Variants in RUNDC3B observed in about 807,000 individuals in gnomAD.
RUNDC3B encodes RUN domain containing 3B, also known as RUN domain-containing protein 3B.
In RUNDC3B, 33 loss-of-function variants were observed where a neutral mutation model predicts 58.4. That is an observed-to-expected ratio of 0.56 (90% CI 0.43 to 0.75). The LOEUF (loss-of-function observed/expected upper bound fraction) is 0.75, where lower values mean the gene tolerates loss of function less well. RUNDC3B is among the 30% of genes least tolerant of loss of function. The pLI is 0.00. For missense variants in RUNDC3B, 501 were observed against 535.7 expected (o/e 0.94, Z 0.64); for synonymous variants, 193 against 195.2 (o/e 0.99, Z 0.10).
intron 2 of RUNDC3B, among the ~76,000 whole-genome samples, chr7:87,665,902 A>G (rs534518798): frequency 6.6e-6 from 1 of 152,108 alleles, no homozygotes; most frequent in Admixed American, 6.6e-5. Context: ...ATAGTACTCC[A>G]TGGCATATAT....
chr7:87,698,798 G>A (rs1828743263), intron 2 of RUNDC3B, among the ~76,000 whole-genome samples: 1 of 152,162 alleles, frequency 6.6e-6, no homozygotes, highest in Non-Finnish European at 1.5e-5. Context: ...CTTTTGAGGA[G>A]AAGTAAGCAC....
chr7:87,714,107 A>C (rs1011544090), intron 4 of RUNDC3B, among the ~76,000 whole-genome samples: 4 of 152,238 alleles, frequency 2.6e-5, no homozygotes, highest in African/African-American at 9.6e-5. Flanking sequence ...AATAGTGATA[A>C]GTAACCAAAA....
In RUNDC3B at chr7:87,777,777, T is replaced by A. The variant is rs372879291; in HGVS notation, c.799-21T>A. 3 of 1,611,126 alleles carry A rather than the reference T, an allele frequency of 1.9e-6. No homozygotes were observed. In the African/African-American group the frequency reaches 4.0e-5, roughly 22 times the overall value. Reference sequence around the variant, plus strand: ...ATTAGAATTTTGCAGTTTCTATATCTTGATGATACTGGATTTCCAGGGTTA... The same window carrying A: ...ATTAGAATTTTGCAGTTTCTATATCATGATGATACTGGATTTCCAGGGTTA... On this transcript the variant is annotated intron_variant, in intron 7 of 10. Transcript: ENST00000394654.
intron 2 of RUNDC3B, among the ~76,000 whole-genome samples, chr7:87,664,343 A>G (rs1246599281): frequency 2.0e-5 from 3 of 152,104 alleles, no homozygotes; most frequent in African/African-American, 7.2e-5. Context: ...TCTCTAAAAA[A>G]ATAAAATATA....
rs367963589 is a variant in RUNDC3B, at chr7:87,747,201, G to T, written c.629+5622G>T. Among the ~76,000 whole-genome samples the T allele has an allele frequency of 1.5e-4, 23 of 152,248 alleles. No individual in the cohort carries two copies. The South Asian group carries it at 3.9e-3, about 26-fold the overall frequency. On this transcript the variant is annotated intron_variant, in intron 6 of 10. Coordinates refer to ENST00000394654, the MANE Select transcript of RUNDC3B (RefSeq NM_001134405.2). ...TAGTACTCTCCCCCTTTTCCTATGG[G>T]TGTGTCTTCCTGTGAGCCTAGCTGT...
At chr7:87,822,803 C>G (rs546728086) in intron 10 of RUNDC3B, among the ~76,000 whole-genome samples, 4 of 152,232 alleles carry the variant, frequency 2.6e-5, no homozygotes, top group African/African-American at 7.2e-5. Flanking sequence ...AAACCAAACA[C>G]TGCATGTTCT....
At chr7:87,735,033 G>A (rs765033106) in intron 4 of RUNDC3B, among the ~76,000 whole-genome samples, 4 of 151,734 alleles carry the variant, frequency 2.6e-5, no homozygotes, top group African/African-American at 4.8e-5. Flanking sequence ...CATTCCCCTG[G>A]CTTGAAATAC....
At chr7:87,685,472 G>A (rs141497420) in intron 2 of RUNDC3B, among the ~76,000 whole-genome samples, 23 of 151,996 alleles carry the variant, frequency 1.5e-4, no homozygotes, top group Admixed American at 1.1e-3. Flanking sequence ...ATAAACTGTT[G>A]TATGTTCATA....
At chr7:87,734,005 C>T (rs1414393351) in intron 4 of RUNDC3B, among the ~76,000 whole-genome samples, 5 of 152,124 alleles carry the variant, frequency 3.3e-5, no homozygotes, top group Non-Finnish European at 7.3e-5. Context: ...AGACACTTCT[C>T]CAAGGGGGGT....
chr7:87,730,417 C>A (rs1486321136), intron 4 of RUNDC3B, among the ~76,000 whole-genome samples: 1 of 151,854 alleles, frequency 6.6e-6, no homozygotes, highest in Non-Finnish European at 1.5e-5. Flanking sequence ...TTGGCAGTAA[C>A]CAGGCAGTAA....
At chr7:87,810,091 T>C (rs1836631791) in intron 9 of RUNDC3B, among the ~76,000 whole-genome samples, 1 of 152,144 alleles carries the variant, frequency 6.6e-6, no homozygotes, top group Non-Finnish European at 1.5e-5. Flanking sequence ...ATATGGGATG[T>C]CTATAGCTAT....
chr7:87,629,197 G>A, intron 1 of RUNDC3B: 1 of 373,466 alleles, frequency 2.7e-6, no homozygotes, highest in Non-Finnish European at 4.8e-6. Context: ...CGGGGCTGGA[G>A]GAGGATTTGT....
chr7:87,809,954 A>G (rs1219571568), intron 9 of RUNDC3B, among the ~76,000 whole-genome samples: 1 of 152,200 alleles, frequency 6.6e-6, no homozygotes, highest in Non-Finnish European at 1.5e-5. Context: ...AGAAACTGCA[A>G]ATTATGAAGG....
chr7:87,817,241 T>C (rs1227472513), intron 10 of RUNDC3B, among the ~76,000 whole-genome samples: 2 of 152,192 alleles, frequency 1.3e-5, no homozygotes, highest in African/African-American at 4.8e-5. Flanking sequence ...ACATGCTATA[T>C]ACATTTACTC....
At chr7:87,663,419 T>C (rs1824912299) in intron 2 of RUNDC3B, among the ~76,000 whole-genome samples, 1 of 151,866 alleles carries the variant, frequency 6.6e-6, no homozygotes, top group Admixed American at 6.6e-5. Flanking sequence ...TCAATACTTA[T>C]TAAGCTTTCC....
At chr7:87,706,002 G>A (rs962131829) in intron 3 of RUNDC3B, among the ~76,000 whole-genome samples, 2 of 151,966 alleles carry the variant, frequency 1.3e-5, no homozygotes, top group Non-Finnish European at 2.9e-5. Flanking sequence ...ATTTTGTGAG[G>A]GATTGTCCCC....
chr7:87,762,114 ATTC>A (rs1239987243), intron 6 of RUNDC3B, among the ~76,000 whole-genome samples: 2 of 151,596 alleles, frequency 1.3e-5, no homozygotes, highest in Admixed American at 6.6e-5. Flanking sequence ...GTTTTCTTCT[ATTC>A]TTAATGTGCT....
At chr7:87,685,903 C>T (rs1827410688) in intron 2 of RUNDC3B, among the ~76,000 whole-genome samples, 1 of 152,166 alleles carries the variant, frequency 6.6e-6, no homozygotes, top group African/African-American at 2.4e-5. Flanking sequence ...ATGTAAGATT[C>T]TAACTCCTTG....
In RUNDC3B at chr7:87,659,206, G is replaced by T. The variant is rs181257568; in HGVS notation, c.238+8269G>T. ...AAACTTTGGAATAACAGGAAGAAAG[G>T]ATACAGTAAACAAGAATATGGGTAA... On this transcript the variant is annotated intron_variant, in intron 2 of 10. Coordinates refer to ENST00000394654, the MANE Select transcript of RUNDC3B (RefSeq NM_001134405.2). 3.5e-3 allele frequency: 1,477 copies of T among 426,592 alleles called. 7 individuals are homozygous for T. The highest frequency in any genetic ancestry group is 4.6e-3 in the Non-Finnish European group (996 of 214,750). 26.4% of individuals were successfully genotyped at this position (426,592 alleles called of 1,614,324 possible). A position where few individuals can be genotyped will look rare whatever the true frequency, so the allele number is the denominator to read the frequency against.
Sources: allele counts gnomAD v4.1 joint callset (sites outside exome capture counted in the v4.1 genomes callset), GRCh38; gene constraint gnomAD v4.1.1; transcripts MANE v1.5; gene names NCBI Gene and HGNC (gene_info 2026-07-23, HGNC 2026-07-21).